Variants in PPOX observed in about 807,000 individuals in gnomAD.
PPOX encodes variegate porphyria.
A neutral mutation model predicts 54.1 loss-of-function variants in PPOX; 23 were observed. That is an observed-to-expected ratio of 0.43 (90% confidence interval 0.31 to 0.60). The LOEUF (loss-of-function observed/expected upper bound fraction) is 0.60, where lower values mean the gene tolerates loss of function less well. PPOX is among the 20% of genes least tolerant of loss of function. PPOX has a pLI of 0.13. For synonymous variants in PPOX, 224 were observed against 236.1 expected (o/e 0.95, Z 0.47); for missense variants, 512 against 601.1 (o/e 0.85, Z 1.55).
chr1:161,172,558 C>T (rs1279004554), downstream of PPOX: 5 of 507,178 alleles, frequency 9.9e-6, no homozygotes, highest in Non-Finnish European at 1.7e-5. Context: ...GGCCTTTAAA[C>T]AGTTGGCAAC....
chr1:161,168,375 G>A (rs1405289602), intron 5 of PPOX, 57 bp from the exon 6 acceptor site: 3 of 1,612,848 alleles, frequency 1.9e-6, no homozygotes, highest in Non-Finnish European at 2.5e-6. Flanking sequence ...TAGGGGCTGT[G>A]GAAATCAGTC....
downstream of PPOX, chr1:161,172,300 G>A (rs1024750925): frequency 9.9e-6 from 16 of 1,613,918 alleles, no homozygotes; most frequent in African/African-American, 2.7e-5. Context: ...GATGTGGGGG[G>A]CCGAGAGATC....
Position 161,169,558 on chromosome 1 carries a change from G to A in PPOX, c.808-102G>A, listed in dbSNP as rs193075869. On this transcript the variant is annotated intron_variant, in intron 7 of 12. Transcript: ENST00000367999. ...CCTGGGTCAGTACACAGTCTCCCCGGCCACATGGGTGCCTGGGAAACTGAG... is the reference window on the plus strand; with the variant it reads ...CCTGGGTCAGTACACAGTCTCCCCGACCACATGGGTGCCTGGGAAACTGAG... 2,882 of 1,236,546 alleles carry A rather than the reference G, an allele frequency of 2.3e-3. 8 individuals carry two copies. The highest frequency in any genetic ancestry group is 3.2e-3 in the Non-Finnish European group (2,642 of 837,800). The allele number at this position is 1,236,546 out of a possible 1,614,324, so 76.6% of individuals were successfully genotyped here. A position where few individuals can be genotyped will look rare whatever the true frequency, so the allele number is the denominator to read the frequency against.
Position 161,168,557 on chromosome 1 carries a change from G to T in PPOX, c.597G>T (p.Leu199=), listed in dbSNP as rs769659160. ...QAEQTHRSIL[L]GLLLGAGRTP... ...AGCAAACCCATCGTTCCATATTACT[G>T]GGCCTGCTGCTGGGGGCAGGTGAGG... Residue 199 remains leucine, a synonymous_variant, in exon 6 of 13, where the codon CTG becomes CTT. Transcript: ENST00000367999. The T allele has an allele frequency of 4.3e-6, 7 of 1,613,980 alleles. No individual in the cohort carries two copies. The highest frequency in any genetic ancestry group is 5.9e-6 in the Non-Finnish European group (7 of 1,180,042).
downstream of PPOX, chr1:161,172,145 G>T (rs1231289632): frequency 3.7e-6 from 6 of 1,611,772 alleles, no homozygotes; most frequent in South Asian, 6.6e-5. Context: ...GAAATCTAGG[G>T]ACCTTTAGGA....
chr1:161,174,510 C>T (rs191746678), downstream of PPOX, among the ~76,000 whole-genome samples: 1,031 of 152,178 alleles, frequency 6.8e-3, 7 homozygotes, highest in Non-Finnish European at 0.011. Flanking sequence ...CATTTTTCCA[C>T]TTAGTCATTT....
At chr1:161,175,295 G>A (rs1446815408), downstream of PPOX, 1 of 1,411,678 alleles carries the variant, frequency 7.1e-7, no homozygotes, top group Admixed American at 2.0e-5. Context: ...ACTAGGGTTT[G>A]GGAATACCTC....
rs2101870804 is a variant in PPOX, at chr1:161,168,574, C to G, written c.614C>G (p.Ala205Gly). 6.2e-7 allele frequency: 1 copy of G among 1,613,840 alleles called. No individual in the cohort carries two copies. Among genetic ancestry groups the G allele is most frequent in the East Asian group, 2.2e-5 (1 of 44,882 alleles). The change falls in exon 6 of 13, where the codon GCA becomes GGA. Residue 205 changes from alanine to glycine, a missense_variant and splice_region_variant. Ala to Gly is a moderately conservative substitution (Grantham distance 60). Transcript: ENST00000367999. ...ATATTACTGGGCCTGCTGCTGGGGGCAGGTGAGGGGGGATTGATTCAGAGG... is the reference window on the plus strand; with the variant it reads ...ATATTACTGGGCCTGCTGCTGGGGGGAGGTGAGGGGGGATTGATTCAGAGG... ...RSILLGLLLG[A>G]GRTPQPDSAL...
chr1:161,175,469 C>T (rs1365603343), downstream of PPOX, among the ~76,000 whole-genome samples: 1 of 152,014 alleles, frequency 6.6e-6, no homozygotes, highest in Non-Finnish European at 1.5e-5. Flanking sequence ...TTTCTCCTGT[C>T]TTACAGGGTT....
chr1:161,175,909 G>A, downstream of PPOX: 1 of 1,614,184 alleles, frequency 6.2e-7, no homozygotes, highest in Non-Finnish European at 8.5e-7. Context: ...GACATCACGA[G>A]GGTGAGAATA....
At chr1:161,170,199 C>T in intron 9 of PPOX, 175 bp downstream of exon 9, 2 of 902,290 alleles carry the variant, frequency 2.2e-6, no homozygotes, top group Non-Finnish European at 3.5e-6. Flanking sequence ...GTGGCTTGCA[C>T]CTGTAATCTC....
downstream of PPOX, chr1:161,177,571 G>A (rs543521317): frequency 4.3e-5 from 7 of 162,238 alleles, no homozygotes; most frequent in East Asian, 1.2e-3. Context: ...TAGGCACCCG[G>A]TCCCAGACAC....
intron 9 of PPOX, 88 bp from the exon 10 acceptor site, chr1:161,170,321 T>TGGGGGGGGGCCCCCCC: frequency 2.7e-6 from 1 of 367,768 alleles, no homozygotes; most frequent in Non-Finnish European, 5.3e-6. Context: ...TGAGACTCTG[T>TGGGGGGGGGCCCCCCC]CCCCCCCACC....
chr1:161,175,731 C>T, downstream of PPOX: 2 of 1,568,000 alleles, frequency 1.3e-6, no homozygotes, highest in South Asian at 2.4e-5. Flanking sequence ...TCTGCCACTC[C>T]ATGCCTCCCT....
At chr1:161,167,603 C>T (rs1045063971) in intron 4 of PPOX, 117 bp downstream of exon 4, 6 of 1,305,898 alleles carry the variant, frequency 4.6e-6, no homozygotes, top group Admixed American at 5.7e-5. Context: ...GTATCGCTCT[C>T]GCCCAGGATG....
chr1:161,167,557 CTTTTTT>C (rs397731347), intron 4 of PPOX, 71 bp downstream of exon 4: 633 of 554,402 alleles, frequency 1.1e-3, no homozygotes, highest in East Asian at 2.0e-3. Context: ...TTCTTCTTTT[CTTTTTT>C]TTTTTTTTTT....
At chr1:161,166,179 C>T (rs1015470158), upstream of PPOX, 4 of 982,246 alleles carry the variant, frequency 4.1e-6, no homozygotes, top group African/African-American at 5.3e-5. Context: ...ACCTGGTAAG[C>T]TTGTGCTGGG....
downstream of PPOX, chr1:161,173,858 C>A: frequency 2.5e-6 from 4 of 1,613,526 alleles, no homozygotes; most frequent in Non-Finnish European, 2.5e-6. Flanking sequence ...ATGCCCTCTA[C>A]CTGTATCCAA....
intron 7 of PPOX, 37 bp downstream of exon 7, chr1:161,169,220 G>A: frequency 6.2e-7 from 1 of 1,608,358 alleles, no homozygotes; most frequent in Non-Finnish European, 8.5e-7. Flanking sequence ...ACCTGTCAGT[G>A]TTTCCATCTT....
Sources: gnomAD v4.1 joint callset for allele counts (sites outside exome capture counted in the v4.1 genomes callset) on GRCh38, gnomAD v4.1.1 for gene constraint, MANE v1.5 for transcripts, NCBI Gene and HGNC (gene_info 2026-07-23, HGNC 2026-07-21) for gene names.